The following CLNK variants were observed in gnomAD, a reference collection of about 807,000 sequenced individuals.
CLNK encodes the protein cytokine dependent hematopoietic cell linker.
Under a neutral mutation model 68.6 loss-of-function variants are expected in CLNK, and 74 were observed. The observed-to-expected ratio is 1.08, with a 90% CI of 0.89 to 1.31. The LOEUF is 1.31. Among genes scored for constraint, CLNK ranks in the 50% most tolerant of loss-of-function variants. The pLI is 0.00. For missense variants in CLNK, 553 were observed against 515.3 expected (o/e 1.07, Z -0.71); for synonymous variants, 198 against 172.2 (o/e 1.15, Z -1.17).
chr4:10,514,742 T>C (rs1717754837), intron 15 of CLNK, among the ~76,000 whole-genome samples: 1 of 150,670 alleles, frequency 6.6e-6, no homozygotes, highest in Non-Finnish European at 1.5e-5. Context: ...AAAGCCAAAA[T>C]TGACAAATGG....
intron 18 of CLNK, among the ~76,000 whole-genome samples, chr4:10,496,670 A>G (rs1716821365): frequency 6.6e-6 from 1 of 152,228 alleles, no homozygotes; most frequent in Non-Finnish European, 1.5e-5. Context: ...GCGAGGCATG[A>G]GAACAGGGTC....
intron 15 of CLNK, among the ~76,000 whole-genome samples, chr4:10,520,106 G>C (rs1426929673): frequency 6.6e-6 from 1 of 151,776 alleles, no homozygotes; most frequent in Admixed American, 6.6e-5. Context: ...AATCTTCATG[G>C]CACACAGAGT....
chr4:10,564,695 C>T lies in CLNK; in HGVS notation c.375G>A (p.Trp125Ter). The change falls in exon 7 of 19, where the codon TGG (tryptophan) becomes TGA (stop). Residue 125 changes from tryptophan (W) to a stop codon, truncating the protein, a stop_gained. Transcript: ENST00000226951. LOFTEE classifies it high-confidence loss of function. Reference protein sequence around the residue: ...RTSISIGQPTWNTQTRLERVD... With the variant: ...RTSISIGQPT ...CTCTTTCCAACCTCGTCTGTGTGTTCCAGGTCGGCTGTCCAATGGAGATAG... is the reference window on the plus strand; with the variant it reads ...CTCTTTCCAACCTCGTCTGTGTGTTTCAGGTCGGCTGTCCAATGGAGATAG... 1 of 1,613,120 alleles carries T rather than the reference C, an allele frequency of 6.2e-7. No individual in the cohort carries two copies. Among genetic ancestry groups the T allele is most frequent in the South Asian group, 1.1e-5 (1 of 91,044 alleles).
Position 10,545,302 on chromosome 4 carries a change from C to A in CLNK, c.446-3022G>T, listed in dbSNP as rs147914010. Reference sequence around the variant, plus strand: ...CAAGCATAAGGTACACATTCCTATTCTAAAAGGGAGAAAGAGGCAAGAAGA... The same window carrying A: ...CAAGCATAAGGTACACATTCCTATTATAAAAGGGAGAAAGAGGCAAGAAGA... On this transcript the variant is annotated intron_variant, in intron 8 of 18. Transcript: ENST00000226951. 2.0e-3 allele frequency among the ~76,000 whole-genome samples: 308 copies of A among 152,244 alleles called. No homozygotes were observed. In the Middle Eastern group the frequency reaches 0.02, roughly 10 times the overall value.
intron 3 of CLNK, among the ~76,000 whole-genome samples, chr4:10,597,198 C>T (rs553583613): frequency 2.0e-5 from 3 of 152,220 alleles, no homozygotes; most frequent in East Asian, 1.9e-4. Context: ...AATTGGGATT[C>T]GAGGATTGAT....
chr4:10,714,901 T>G, the CLNK span, among the ~76,000 whole-genome samples: 2 of 152,132 alleles, frequency 1.3e-5, no homozygotes, highest in African/African-American at 4.8e-5. Flanking sequence ...GAGGTAAGAA[T>G]TTTTCTTTTT....
the CLNK span, among the ~76,000 whole-genome samples, chr4:10,720,351 TA>T: frequency 6.6e-6 from 1 of 152,004 alleles, no homozygotes; most frequent in Non-Finnish European, 1.5e-5. Flanking sequence ...AATGAAAGAT[TA>T]CTAGGAACAT....
intron 2 of CLNK, among the ~76,000 whole-genome samples, chr4:10,604,113 AG>A (rs1386519684): frequency 6.6e-6 from 1 of 152,188 alleles, no homozygotes; most frequent in Non-Finnish European, 1.5e-5. Flanking sequence ...GGGGAATAGC[AG>A]GGGGTATATC....
At chr4:10,620,887 G>C (rs1358530624) in intron 2 of CLNK, among the ~76,000 whole-genome samples, 2 of 151,688 alleles carry the variant, frequency 1.3e-5, no homozygotes, top group East Asian at 3.9e-4. Flanking sequence ...CAGATCACAA[G>C]GTCAGGAGAT....
At chr4:10,696,747 C>T in the CLNK span, among the ~76,000 whole-genome samples, 27 of 152,206 alleles carry the variant, frequency 1.8e-4, no homozygotes, top group African/African-American at 5.8e-4. Flanking sequence ...TTCCAGCCTC[C>T]CTAGGATTGC....
intron 3 of CLNK, among the ~76,000 whole-genome samples, chr4:10,588,857 T>C (rs1371811588): frequency 6.6e-6 from 1 of 152,014 alleles, no homozygotes; most frequent in Non-Finnish European, 1.5e-5. Flanking sequence ...ATATTGTATA[T>C]ACTACATACA....
chr4:10,490,211 C>T lies in CLNK; in HGVS notation c.*256G>A. The T allele has an allele frequency of 2.8e-6, 1 of 357,774 alleles. No homozygotes were observed. Among genetic ancestry groups the T allele is most frequent in the Non-Finnish European group, 5.0e-6 (1 of 201,366 alleles). 22.2% of individuals were successfully genotyped at this position (357,774 alleles called of 1,614,324 possible). A position where few individuals can be genotyped will look rare whatever the true frequency, so the allele number is the denominator to read the frequency against. On this transcript the variant is annotated 3_prime_UTR_variant, in exon 19 of 19. Transcript: ENST00000226951. The stretch of plus-strand genomic sequence containing the variant: ...TGTTTTTTAGAAGATACTTTTAAAA[C>T]CCTAGTTTTTATTTTTATTTATTTT...
chr4:10,544,435 G>A (rs907940843), intron 8 of CLNK, among the ~76,000 whole-genome samples: 1 of 152,156 alleles, frequency 6.6e-6, no homozygotes, highest in Non-Finnish European at 1.5e-5. Context: ...ACATTCAGTG[G>A]CAGGAGTTAG....
At chr4:10,682,980 G>A (rs959114502) in intron 1 of CLNK, among the ~76,000 whole-genome samples, 2 of 152,170 alleles carry the variant, frequency 1.3e-5, no homozygotes, top group African/African-American at 2.4e-5. Flanking sequence ...GATTTGGAGT[G>A]AGGAAAGGAA....
chr4:10,619,729 G>A (rs972957101), intron 2 of CLNK, among the ~76,000 whole-genome samples: 1 of 151,908 alleles, frequency 6.6e-6, no homozygotes, highest in East Asian at 1.9e-4. Flanking sequence ...ATAGAAAGGC[G>A]GTCAGCATGG....
chr4:10,571,183 T>C (rs1577137180), intron 5 of CLNK, among the ~76,000 whole-genome samples: 1 of 152,300 alleles, frequency 6.6e-6, no homozygotes, highest in East Asian at 1.9e-4. Flanking sequence ...GCCTTCACAA[T>C]GACCATGTTA....
chr4:10,654,384 A>ATATATATATATATATATATATATATAT (rs1723874404), intron 2 of CLNK, among the ~76,000 whole-genome samples: 1 of 84,136 alleles, frequency 1.2e-5, no homozygotes, highest in Non-Finnish European at 3.1e-5. Context: ...ATATTGATTA[A>ATATATATATATATATATATATATATAT]ATATATATAT....
At chr4:10,596,119 G>A (rs947416651) in intron 3 of CLNK, among the ~76,000 whole-genome samples, 8 of 152,132 alleles carry the variant, frequency 5.3e-5, no homozygotes, top group Admixed American at 3.3e-4. Context: ...TCCGCCTCCC[G>A]GGTTCAAGTG....
chr4:10,661,076 A>G (rs937471128), intron 2 of CLNK, among the ~76,000 whole-genome samples: 2 of 152,016 alleles, frequency 1.3e-5, no homozygotes, highest in Non-Finnish European at 2.9e-5. Context: ...GCTTGTTCTC[A>G]TTTTCTCTAG....
Sources: allele counts gnomAD v4.1 joint callset (sites outside exome capture counted in the v4.1 genomes callset), GRCh38; gene constraint gnomAD v4.1.1; transcripts MANE v1.5; gene names NCBI Gene and HGNC (gene_info 2026-07-23, HGNC 2026-07-21).